The following ASIC2 variants were observed in gnomAD, a reference collection of about 807,000 sequenced individuals.
The protein encoded by ASIC2 is acid sensing ion channel subunit 2, also known as acid-sensing ion channel 2.
A neutral mutation model predicts 57.3 loss-of-function variants in ASIC2; 25 were observed. That is an observed-to-expected ratio of 0.44 (90% CI 0.32 to 0.61). The LOEUF is 0.61. Among genes scored for constraint, ASIC2 ranks in the 20% least tolerant of loss-of-function variants. ASIC2 has a pLI of 0.06. For synonymous variants in ASIC2, 319 were observed against 307.5 expected, an observed-to-expected ratio of 1.04 and a Z score of -0.39; for missense variants, 641 against 738.1, an observed-to-expected ratio of 0.87 and a Z score of 1.52.
In ASIC2 at chr17:33,013,446, G is replaced by C. The variant is rs62068265; in HGVS notation, c.*519C>G. 3,993 of 154,208 alleles carry C rather than the reference G, an allele frequency of 0.026. 80 individuals are homozygous for C. Among genetic ancestry groups the C allele is most frequent in the Non-Finnish European group, 0.04 (2,779 of 68,880 alleles). The allele number at this position is 154,208 out of a possible 1,614,324, so 9.6% of individuals were successfully genotyped here. ...GCCCCATGGGCAGCTTGGGGAAAAG[G>C]GGGTTTTTGGGCAGGTTAAGAACTT... On this transcript the variant is annotated 3_prime_UTR_variant, in exon 10 of 10. Coordinates refer to ENST00000225823, the MANE Select transcript of ASIC2 (RefSeq NM_183377.2).
At chr17:33,813,874 C>G (rs1257720529) in intron 1 of ASIC2, among the ~76,000 whole-genome samples, 1 of 152,148 alleles carries the variant, frequency 6.6e-6, no homozygotes, top group Non-Finnish European at 1.5e-5. Flanking sequence ...CATACCCACA[C>G]GTTTCCGCAA....
At chr17:33,549,611 G>T (rs1915684740) in intron 1 of ASIC2, among the ~76,000 whole-genome samples, 1 of 152,114 alleles carries the variant, frequency 6.6e-6, no homozygotes, top group African/African-American at 2.4e-5. Context: ...GCTGCCTATG[G>T]CTGTTGAGTG....
At chr17:33,426,521 C>T (rs4624229) in intron 1 of ASIC2, among the ~76,000 whole-genome samples, 58,319 of 152,062 alleles carry the variant, frequency 0.38, 11,630 homozygotes, top group Non-Finnish European at 0.42. Flanking sequence ...ATAGACACTT[C>T]TCCACATGAG....
intron 1 of ASIC2, among the ~76,000 whole-genome samples, chr17:33,133,456 C>T (rs572920914): frequency 5.9e-5 from 9 of 152,158 alleles, no homozygotes; most frequent in Non-Finnish European, 1.3e-4. Context: ...AGATGTTAGG[C>T]CAGACAGCTT....
chr17:33,887,991 C>G (rs762686218), intron 1 of ASIC2, among the ~76,000 whole-genome samples: 4 of 152,154 alleles, frequency 2.6e-5, no homozygotes, highest in African/African-American at 9.7e-5. Flanking sequence ...TTGCATGTTG[C>G]TTTGTCACCA....
chr17:33,565,016 G>A (rs184684676), intron 1 of ASIC2, among the ~76,000 whole-genome samples: 11 of 152,224 alleles, frequency 7.2e-5, no homozygotes, highest in Admixed American at 3.3e-4. Flanking sequence ...TAATAAATAC[G>A]TGGGTAAATC....
intron 1 of ASIC2, among the ~76,000 whole-genome samples, chr17:34,154,328 T>G (rs1904634264): frequency 6.6e-6 from 1 of 152,200 alleles, no homozygotes; most frequent in Non-Finnish European, 1.5e-5. Flanking sequence ...CATGACATGT[T>G]TTAGGATCCT....
intron 1 of ASIC2, among the ~76,000 whole-genome samples, chr17:33,233,768 G>A (rs1212815694): frequency 2.0e-5 from 3 of 151,602 alleles, no homozygotes; most frequent in East Asian, 1.9e-4. Flanking sequence ...AGAATCCCTC[G>A]TTCTACAGAA....
At chr17:34,120,383 T>C (rs1911571851) in intron 1 of ASIC2, among the ~76,000 whole-genome samples, 2 of 152,126 alleles carry the variant, frequency 1.3e-5, no homozygotes, top group Non-Finnish European at 2.9e-5. Flanking sequence ...GGAAATCTGA[T>C]ACAGTATAGA....
At chr17:33,439,425 C>A (rs908553428) in intron 1 of ASIC2, among the ~76,000 whole-genome samples, 3 of 151,916 alleles carry the variant, frequency 2.0e-5, no homozygotes, top group Non-Finnish European at 4.4e-5. Flanking sequence ...GGGGGAAGGG[C>A]CTGTGAGAAT....
intron 1 of ASIC2, among the ~76,000 whole-genome samples, chr17:34,068,338 T>C (rs1909250298): frequency 6.6e-6 from 1 of 152,106 alleles, no homozygotes; most frequent in Non-Finnish European, 1.5e-5. Context: ...GGGAAGGACT[T>C]TCAGTGCTAA....
At chr17:33,314,579 TA>T in intron 1 of ASIC2, among the ~76,000 whole-genome samples, 1 of 152,320 alleles carries the variant, frequency 6.6e-6, no homozygotes, top group Non-Finnish European at 1.5e-5. Flanking sequence ...AGTAGGGGTT[TA>T]TTATATAACA....
At chr17:33,926,593 T>C (rs551628949) in intron 1 of ASIC2, among the ~76,000 whole-genome samples, 1 of 152,336 alleles carries the variant, frequency 6.6e-6, no homozygotes, top group Non-Finnish European at 1.5e-5. Flanking sequence ...GTGGTTGCTT[T>C]GTGCCACCAT....
chr17:33,251,110 C>G (rs1165193662), intron 1 of ASIC2, among the ~76,000 whole-genome samples: 4 of 152,316 alleles, frequency 2.6e-5, no homozygotes, highest in African/African-American at 9.6e-5. Context: ...CTTTGACTAT[C>G]AGAGAGAGAC....
In ASIC2 at chr17:33,598,587, C is replaced by T. The variant is rs138341040; in HGVS notation, c.556-486520G>A. On this transcript the variant is annotated intron_variant, in intron 1 of 9. Transcript: ENST00000359872. ...AAGAGGATTTAAAAAGAAAATTTTA[C>T]TCAAGGAGAAGAAGCAAATGGACAG... Among the ~76,000 whole-genome samples, 10 of 152,258 alleles carry T rather than the reference C, an allele frequency of 6.6e-5. No individual in the cohort carries two copies. The East Asian group carries it at 1.7e-3, about 27-fold the overall frequency.
At chr17:33,186,394 AACCACC>A (rs1906195672) in intron 1 of ASIC2, among the ~76,000 whole-genome samples, 1 of 152,168 alleles carries the variant, frequency 6.6e-6, no homozygotes, top group African/African-American at 2.4e-5. Context: ...TACAGGTATG[AACCACC>A]ACCCCTGGCC....
intron 1 of ASIC2, among the ~76,000 whole-genome samples, chr17:33,147,300 A>C (rs1373710888): frequency 6.6e-6 from 1 of 152,258 alleles, no homozygotes; most frequent in Non-Finnish European, 1.5e-5. Flanking sequence ...GAGATGAGCT[A>C]GTAACAGTAT....
chr17:33,185,131 T>C lies in ASIC2; in HGVS notation c.709-73064A>G, dbSNP rs551577586. On this transcript the variant is annotated intron_variant, in intron 1 of 9. Transcript: ENST00000225823. ...CAATGGAACTCAGACTGACTATGCC[T>C]GGTCTGTGATGCTGCCCACTGGCAT... Among the ~76,000 whole-genome samples the C allele has an allele frequency of 3.9e-5, 6 of 152,360 alleles. No individual in the cohort carries two copies. In the South Asian group the frequency reaches 1.2e-3, roughly 32 times the overall value.
At chr17:33,579,146 C>G (rs571406269) in intron 1 of ASIC2, among the ~76,000 whole-genome samples, 11 of 152,072 alleles carry the variant, frequency 7.2e-5, no homozygotes, top group Middle Eastern at 3.4e-3. Flanking sequence ...AGTAGCCAGG[C>G]ATGATGGTGG....
Sources: allele counts gnomAD v4.1 joint callset (sites outside exome capture counted in the v4.1 genomes callset), GRCh38; gene constraint gnomAD v4.1.1; transcripts MANE v1.5; gene names NCBI Gene and HGNC (gene_info 2026-07-23, HGNC 2026-07-21).